The following CSNK1A1 variants were observed in gnomAD, a reference collection of about 807,000 sequenced individuals.
The protein encoded by CSNK1A1 is casein kinase I isoform alpha.
In CSNK1A1, 7 loss-of-function variants were observed where a neutral mutation model predicts 46.1. The observed-to-expected ratio is 0.15, with a 90% confidence interval of 0.09 to 0.29. CSNK1A1 has a LOEUF of 0.29. Ranked by LOEUF, CSNK1A1 falls within the 10% of genes least tolerant of loss-of-function variation. The pLI, the probability that CSNK1A1 is intolerant of heterozygous loss-of-function variation, is 1.00. For synonymous variants in CSNK1A1, 137 were observed against 141.5 expected (o/e 0.97, Z 0.23); for missense variants, 96 against 417.1 (o/e 0.23, Z 6.71).
chr5:149,503,457 T>C, intron 9 of CSNK1A1: 1 of 985,462 alleles, frequency 1.0e-6, no homozygotes, highest in Non-Finnish European at 1.2e-6. Context: ...CTTGGAAGTG[T>C]ATTTCTAAAA....
intron 2 of CSNK1A1, among the ~76,000 whole-genome samples, chr5:149,526,111 C>T (rs1172050400): frequency 1.3e-5 from 2 of 151,864 alleles, no homozygotes; most frequent in Admixed American, 6.6e-5. Flanking sequence ...CTTCCTTTCC[C>T]TTCCTTCCTC....
intron 2 of CSNK1A1, among the ~76,000 whole-genome samples, chr5:149,533,770 G>A (rs1461234739): frequency 6.6e-6 from 1 of 152,156 alleles, no homozygotes; most frequent in Non-Finnish European, 1.5e-5. Flanking sequence ...ACAGCATGTG[G>A]AGAACTGGAA....
At chr5:149,498,469 G>A (rs1760725278) in intron 9 of CSNK1A1, 9 of 985,286 alleles carry the variant, frequency 9.1e-6, no homozygotes, top group Non-Finnish European at 1.1e-5. Context: ...TATACCCTGT[G>A]ACCAAATTTC....
chr5:149,550,341 C>T lies in CSNK1A1; in HGVS notation c.124-160G>A, dbSNP rs747935279. On this transcript the variant is annotated intron_variant, in intron 1 of 9. Coordinates refer to ENST00000377843, the MANE Select transcript of CSNK1A1 (RefSeq NM_001892.6). The surrounding 1 kb of genome is among the most constrained non-coding windows in gnomAD (Gnocchi z 4.3). ...GGTAATTATAAAACGAGGCAACCAG[C>T]CTCAAAGGCCTCTTCAGGGGGTAGT... 263 of 1,427,308 alleles carry T rather than the reference C, an allele frequency of 1.8e-4. No individual in the cohort carries two copies. Among genetic ancestry groups the T allele is most frequent in the Non-Finnish European group, 2.3e-4 (248 of 1,095,492 alleles). 88.4% of individuals were successfully genotyped at this position (1,427,308 alleles called of 1,614,324 possible).
chr5:149,502,239 C>T (rs1156443436), intron 9 of CSNK1A1: 2 of 946,372 alleles, frequency 2.1e-6, no homozygotes, highest in Non-Finnish European at 1.3e-6. Context: ...GATTTTCCTA[C>T]ATTAGAGATT....
Position 149,500,135 on chromosome 5 carries a change from ATTTTTTTTTTT to A in CSNK1A1, c.1007-3286_1007-3276del, listed in dbSNP as rs1193702653. Among the ~76,000 whole-genome samples, 275 of 106,328 alleles carry A rather than the reference ATTTTTTTTTTT, an allele frequency of 2.6e-3. 3 individuals are homozygous for A. The highest frequency in any genetic ancestry group is 3.8e-3 in the Non-Finnish European group (201 of 53,002). 69.8% of individuals were successfully genotyped at this position (106,328 alleles called of 152,430 possible). On this transcript the variant is annotated intron_variant, in intron 9 of 9. Coordinates refer to ENST00000377843, the MANE Select transcript of CSNK1A1 (RefSeq NM_001892.6). ...AGGCACCCGCCACTACGCCCAGCTA[ATTTTTTTTTTT>A]TTTTTTTTTGAGATGGAGTCTTGCT...
At chr5:149,534,902 C>G (rs796486970) in intron 2 of CSNK1A1, among the ~76,000 whole-genome samples, 1 of 137,318 alleles carries the variant, frequency 7.3e-6, no homozygotes, top group Non-Finnish European at 1.5e-5. Flanking sequence ...GAGACCTTGT[C>G]TCCCAAAAAA....
rs138434853 is a variant in CSNK1A1 at position 149,500,532 on chromosome 5, C to T, written c.1007-3672G>A. ...GACCTCACGATCTGCCCGCCTCAGC[C>T]TCCCAAAGTGCTGGGATTACAGAAG... On this transcript the variant is annotated intron_variant, in intron 9 of 9. Coordinates refer to ENST00000377843, the MANE Select transcript of CSNK1A1 (RefSeq NM_001892.6). Among the ~76,000 whole-genome samples, 848 of 152,242 alleles carry T rather than the reference C, an allele frequency of 5.6e-3. 12 individuals are homozygous for T. Among genetic ancestry groups the T allele is most frequent in the African/African-American group, 0.019 (788 of 41,544 alleles).
chr5:149,527,370 C>G (rs965855366), intron 2 of CSNK1A1, among the ~76,000 whole-genome samples: 1 of 152,136 alleles, frequency 6.6e-6, no homozygotes, highest in Non-Finnish European at 1.5e-5. Context: ...TCAGCTGATC[C>G]ACCTCTTGGC....
intron 4 of CSNK1A1, among the ~76,000 whole-genome samples, chr5:149,516,727 C>G (rs1054958450): frequency 1.3e-5 from 2 of 152,116 alleles, no homozygotes; most frequent in South Asian, 2.1e-4. Context: ...GTCTTCCCCC[C>G]ACCCCTTATC....
intron 6 of CSNK1A1, among the ~76,000 whole-genome samples, 162 bp downstream of exon 6, chr5:149,511,632 G>A (rs576307283): frequency 6.6e-6 from 1 of 152,154 alleles, no homozygotes; most frequent in Non-Finnish European, 1.5e-5. Flanking sequence ...AAATGATCTG[G>A]TTTCATTTTC....
intron 2 of CSNK1A1, among the ~76,000 whole-genome samples, chr5:149,530,743 G>A (rs887729753): frequency 4.6e-5 from 7 of 151,974 alleles, no homozygotes; most frequent in Non-Finnish European, 1.0e-4. Flanking sequence ...CGAGGCGGGC[G>A]GATCATGAGG....
chr5:149,504,772 A>C, intron 9 of CSNK1A1: 7 of 985,456 alleles, frequency 7.1e-6, no homozygotes, highest in Non-Finnish European at 8.4e-6. Flanking sequence ...CAAGCCAAAA[A>C]CAAAGAAATC....
intron 9 of CSNK1A1, chr5:149,501,895 A>T: frequency 3.1e-6 from 3 of 962,764 alleles, no homozygotes; most frequent in Non-Finnish European, 2.5e-6. Flanking sequence ...GTTGGGTGTG[A>T]ATCTTATGTA....
intron 7 of CSNK1A1, 73 bp downstream of exon 7, chr5:149,509,806 G>T: frequency 2.6e-6 from 3 of 1,152,134 alleles, no homozygotes; most frequent in Non-Finnish European, 3.7e-6. Flanking sequence ...CTCCCAAAGT[G>T]CTGGGATTAC....
intron 2 of CSNK1A1, among the ~76,000 whole-genome samples, chr5:149,543,402 T>A (rs1355638447): frequency 6.6e-6 from 1 of 152,168 alleles, no homozygotes; most frequent in Non-Finnish European, 1.5e-5. Context: ...TAAGCCAGTA[T>A]AAAGCAGCTC....
At chr5:149,499,620 C>CTT (rs35603016) in intron 9 of CSNK1A1, among the ~76,000 whole-genome samples, 7 of 144,158 alleles carry the variant, frequency 4.9e-5, no homozygotes, top group Non-Finnish European at 7.7e-5. Context: ...AAAAGATATG[C>CTT]TTTTTTTTTT....
intron 2 of CSNK1A1, among the ~76,000 whole-genome samples, chr5:149,541,229 T>C (rs887623988): frequency 2.7e-5 from 4 of 150,316 alleles, no homozygotes; most frequent in Admixed American, 2.6e-4. Flanking sequence ...CTCAGCTCAC[T>C]GCAACCTCCG....
At position 149,511,889 on chromosome 5, in the gene CSNK1A1, A is replaced by C. The variant is rs1761233383; in HGVS notation, c.597-17T>G. The C allele has an allele frequency of 1.6e-5, 25 of 1,572,136 alleles. No homozygotes were observed. The highest frequency in any genetic ancestry group is 1.9e-5 in the Non-Finnish European group (22 of 1,150,328). ...TCTCGGCGACTAGAAAAGAGAACGT[A>C]ATTTTATAAACTGGAACTATTATTA... On this transcript the variant is annotated splice_polypyrimidine_tract_variant and intron_variant, in intron 5 of 9. Coordinates refer to ENST00000377843, the MANE Select transcript of CSNK1A1 (RefSeq NM_001892.6).
Sources: gnomAD v4.1 joint callset for allele counts (sites outside exome capture counted in the v4.1 genomes callset) on GRCh38, gnomAD v4.1.1 for gene constraint, Gnocchi (gnomAD v3.1) non-coding constraint, MANE v1.5 for transcripts, NCBI Gene and HGNC (gene_info 2026-07-23, HGNC 2026-07-21) for gene names.